The following CCSER1 variants were observed in gnomAD, a reference collection of about 807,000 sequenced individuals.
CCSER1 encodes the protein serine-rich coiled-coil domain-containing protein 1.
In CCSER1, 41 loss-of-function variants were observed where a neutral mutation model predicts 82.0. That is an observed-to-expected ratio of 0.50 (90% CI 0.39 to 0.65). CCSER1 has a LOEUF of 0.65. Among genes scored for constraint, CCSER1 ranks in the 30% least tolerant of loss-of-function variants. CCSER1 has a pLI of 0.00. For synonymous variants in CCSER1, 414 were observed against 383.9 expected (o/e 1.08, Z -0.92); for missense variants, 1,119 against 1,064.2 (o/e 1.05, Z -0.72).
At chr4:91,382,238 T>C (rs1750958983) in intron 10 of CCSER1, among the ~76,000 whole-genome samples, 2 of 152,146 alleles carry the variant, frequency 1.3e-5, no homozygotes, top group African/African-American at 4.8e-5. Flanking sequence ...GACAGGGACA[T>C]TTATGGGATA....
At chr4:90,786,507 A>G (rs1754539508) in intron 7 of CCSER1, among the ~76,000 whole-genome samples, 2 of 106,322 alleles carry the variant, frequency 1.9e-5, no homozygotes, top group Non-Finnish European at 3.9e-5. Flanking sequence ...AAGTTTAGAA[A>G]TTAAAAAAAA....
At chr4:90,187,663 A>T (rs779093751) in intron 1 of CCSER1, among the ~76,000 whole-genome samples, 1 of 151,918 alleles carries the variant, frequency 6.6e-6, no homozygotes. Flanking sequence ...TTGCTATTTT[A>T]AAAAATGTCA....
chr4:90,201,140 C>G (rs1157109614), intron 1 of CCSER1, among the ~76,000 whole-genome samples: 2 of 152,174 alleles, frequency 1.3e-5, no homozygotes, highest in Non-Finnish European at 2.9e-5. Flanking sequence ...GCAGAAACAG[C>G]TTTGGCTGTT....
chr4:91,330,269 G>A lies in CCSER1; in HGVS notation c.2217+244275G>A, dbSNP rs928537661. On this transcript the variant is annotated intron_variant, in intron 10 of 10. Transcript: ENST00000509176. The stretch of plus-strand genomic sequence containing the variant: ...ATCTTTTATGGTTATTGATGCTTAG[G>A]AGGTAGTAGAAAAATGGGATGGAAA... Among the ~76,000 whole-genome samples, 5 of 152,024 alleles carry A rather than the reference G, an allele frequency of 3.3e-5. No individual in the cohort carries two copies. In the South Asian group the frequency reaches 1.0e-3, roughly 32 times the overall value.
intron 8 of CCSER1, among the ~76,000 whole-genome samples, chr4:90,831,075 T>G (rs1761056783): frequency 1.3e-5 from 2 of 152,020 alleles, no homozygotes; most frequent in African/African-American, 4.8e-5. Flanking sequence ...TCAGCACAAT[T>G]AATGAACTAT....
At chr4:90,857,399 T>G (rs961024305) in intron 8 of CCSER1, among the ~76,000 whole-genome samples, 2 of 152,076 alleles carry the variant, frequency 1.3e-5, no homozygotes, top group Admixed American at 1.3e-4. Context: ...AAATGGCAGC[T>G]TATTTCCTCT....
intron 1 of CCSER1, among the ~76,000 whole-genome samples, chr4:90,162,632 G>A (rs966505585): frequency 2.0e-5 from 3 of 152,018 alleles, no homozygotes; most frequent in Admixed American, 2.0e-4. Flanking sequence ...CCTAACAGTG[G>A]TGGAAAGTCA....
At position 90,431,261 on chromosome 4, in the gene CCSER1, G is replaced by T. The variant is rs1758237872; in HGVS notation, c.1603+31132G>T. ...TATGGAGAAAAGTTAGCCTTTACTT[G>T]AAATCTCAGCTGTTAGTGAAGTTAA... is the stretch of plus-strand genomic sequence containing the variant. On this transcript the variant is annotated intron_variant, in intron 4 of 10. Coordinates refer to ENST00000509176, the MANE Select transcript of CCSER1 (RefSeq NM_001145065.2). 2.0e-5 allele frequency among the ~76,000 whole-genome samples: 3 copies of T among 152,030 alleles called. No individual in the cohort carries two copies. In the South Asian group the frequency reaches 6.2e-4, roughly 31 times the overall value.
intron 7 of CCSER1, among the ~76,000 whole-genome samples, chr4:90,768,324 G>A (rs1751565370): frequency 6.6e-6 from 1 of 152,166 alleles, no homozygotes; most frequent in Admixed American, 6.6e-5. Flanking sequence ...ACCTAGCCAG[G>A]AGTTAGAATC....
intron 1 of CCSER1, among the ~76,000 whole-genome samples, chr4:90,168,529 T>G (rs1215302738): frequency 3.9e-5 from 6 of 152,158 alleles, no homozygotes; most frequent in African/African-American, 1.4e-4. Flanking sequence ...CTTTTGGTGT[T>G]TTAGACATGA....
intron 7 of CCSER1, among the ~76,000 whole-genome samples, chr4:90,798,148 A>G (rs553634516): frequency 2.4e-4 from 37 of 151,378 alleles, no homozygotes; most frequent in Admixed American, 1.4e-3. Context: ...GTAATGCCGT[A>G]TTTCTCAGAG....
At chr4:90,801,695 AAATT>A (rs1259523916) in intron 7 of CCSER1, among the ~76,000 whole-genome samples, 1 of 152,194 alleles carries the variant, frequency 6.6e-6, no homozygotes, top group Non-Finnish European at 1.5e-5. Context: ...TTTCAATACT[AAATT>A]AATAAATGCC....
intron 9 of CCSER1, among the ~76,000 whole-genome samples, chr4:91,035,775 G>A (rs1222367007): frequency 4.6e-5 from 7 of 152,104 alleles, no homozygotes; most frequent in Non-Finnish European, 7.4e-5. Context: ...CCAACTCAAT[G>A]TTTAATTGTG....
chr4:91,105,170 A>C, intron 10 of CCSER1, among the ~76,000 whole-genome samples: 1 of 152,284 alleles, frequency 6.6e-6, no homozygotes, highest in Middle Eastern at 3.4e-3. Context: ...TCAGATAATT[A>C]TCCTTCAAAA....
Position 90,689,541 on chromosome 4 carries a change from C to G in CCSER1, c.1933-34373C>G, listed in dbSNP as rs149407220. On this transcript the variant is annotated intron_variant, in intron 6 of 10. Coordinates refer to ENST00000509176, the MANE Select transcript of CCSER1 (RefSeq NM_001145065.2). The stretch of plus-strand genomic sequence containing the variant: ...ACTTATCATTCATGCAGCACTTGCT[C>G]TATGCCAGGGACAGGCTTTGGTTCA... Among the ~76,000 whole-genome samples the G allele has an allele frequency of 8.0e-4, 122 of 152,216 alleles. No individual in the cohort carries two copies. The East Asian group carries it at 0.023, about 29-fold the overall frequency.
chr4:90,130,471 A>G lies in CCSER1; in HGVS notation c.-42+2640A>G, dbSNP rs77853482. On this transcript the variant is annotated intron_variant, in intron 1 of 10. Coordinates refer to ENST00000509176, the MANE Select transcript of CCSER1 (RefSeq NM_001145065.2). ...TTAGTACATTGTGGATAAGAAAAAT[A>G]TAAGGTATAAGATGCAAGTCTCCTG... Among the ~76,000 whole-genome samples the G allele has an allele frequency of 3.2e-3, 489 of 152,332 alleles. 3 individuals carry two copies. The highest frequency in any genetic ancestry group is 0.011 in the African/African-American group (463 of 41,580).
At chr4:90,520,278 A>T (rs1438814338) in intron 5 of CCSER1, among the ~76,000 whole-genome samples, 1 of 151,758 alleles carries the variant, frequency 6.6e-6, no homozygotes, top group African/African-American at 2.4e-5. Flanking sequence ...TAGCAATTAT[A>T]ATCATTTTAT....
intron 1 of CCSER1, among the ~76,000 whole-genome samples, chr4:90,229,278 G>C (rs151160118): frequency 0.13 from 19,496 of 152,178 alleles, 1,464 homozygotes; most frequent in East Asian, 0.3. Flanking sequence ...TCTCTCAGCA[G>C]AAATTCTACA....
intron 7 of CCSER1, among the ~76,000 whole-genome samples, chr4:90,811,989 T>TAA (rs1370779109): frequency 2.9e-5 from 3 of 101,742 alleles, no homozygotes; most frequent in Middle Eastern, 5.1e-3. Flanking sequence ...TATATATATA[T>TAA]AAACACATAT....
Sources: gnomAD v4.1 joint callset for allele counts (sites outside exome capture counted in the v4.1 genomes callset) on GRCh38, gnomAD v4.1.1 for gene constraint, MANE v1.5 for transcripts, NCBI Gene and HGNC (gene_info 2026-07-23, HGNC 2026-07-21) for gene names.